Variants in CLEC16A observed in about 807,000 individuals in gnomAD.
CLEC16A encodes protein CLEC16A.
CLEC16A carries 51 observed loss-of-function variants against 109.5 expected under a neutral mutation model. The ratio of observed to expected loss-of-function variants is 0.47; its 90% CI spans 0.37 to 0.59. The LOEUF (loss-of-function observed/expected upper bound fraction) is 0.59. Among genes scored for constraint, CLEC16A ranks in the 20% least tolerant of loss-of-function variants. The pLI is 0.00. For synonymous variants in CLEC16A, 673 were observed against 564.2 expected (o/e 1.19, Z -2.73); for missense variants, 1,339 against 1,394.0 (o/e 0.96, Z 0.63).
rs868202756 is a variant in CLEC16A, at chr16:10,969,914, G to T, written c.492+605G>T. On this transcript the variant is annotated intron_variant, in intron 4 of 23. Transcript: ENST00000409790. ...TAGGGGTTAAATTAAATGAGATGATGTCTTCAAAGTGCCAGTATGTACATA... is the reference window on the plus strand; with the variant it reads ...TAGGGGTTAAATTAAATGAGATGATTTCTTCAAAGTGCCAGTATGTACATA... Among the ~76,000 whole-genome samples, 4 of 152,166 alleles carry T rather than the reference G, an allele frequency of 2.6e-5. No homozygotes were observed. In the East Asian group the frequency reaches 5.8e-4, roughly 22 times the overall value.
intron 23 of CLEC16A, among the ~76,000 whole-genome samples, chr16:11,167,644 TC>T (rs1378820773): frequency 4.6e-5 from 7 of 152,128 alleles, no homozygotes; most frequent in African/African-American, 1.7e-4. Flanking sequence ...CCTGTGTCTC[TC>T]CCATCCACAC....
intron 19 of CLEC16A, among the ~76,000 whole-genome samples, chr16:11,117,976 T>G (rs1380493634): frequency 1.3e-5 from 2 of 150,996 alleles, no homozygotes; most frequent in African/African-American, 4.8e-5. Flanking sequence ...TCTTTTTCTT[T>G]TCTTTTCTTT....
chr16:11,120,599 A>G lies in CLEC16A; in HGVS notation c.2117-16A>G. 6.2e-7 allele frequency: 1 copy of G among 1,600,650 alleles called. No individual in the cohort carries two copies. Among genetic ancestry groups the G allele is most frequent in the East Asian group, 2.2e-5 (1 of 44,542 alleles). ...CCAGACTGTGCCTCATTCTCTTCTCACCTTCCTCCTCCCAGATAACAGCGA... is the reference window on the plus strand; with the variant it reads ...CCAGACTGTGCCTCATTCTCTTCTCGCCTTCCTCCTCCCAGATAACAGCGA... On this transcript the variant is annotated splice_polypyrimidine_tract_variant and intron_variant, in intron 19 of 23. Transcript: ENST00000409790.
chr16:11,167,949 T>A (rs765696681), intron 23 of CLEC16A, among the ~76,000 whole-genome samples: 5 of 152,086 alleles, frequency 3.3e-5, no homozygotes, highest in Non-Finnish European at 7.4e-5. Flanking sequence ...GCATGCAGGG[T>A]TGTGTGTTCA....
At chr16:11,143,569 G>A (rs1488419645) in intron 22 of CLEC16A, among the ~76,000 whole-genome samples, 1 of 152,204 alleles carries the variant, frequency 6.6e-6, no homozygotes, top group African/African-American at 2.4e-5. Flanking sequence ...AAGGGCTTAA[G>A]TGAAGCTACT....
rs964895184 is a variant in CLEC16A at position 11,025,030 on chromosome 16, C to G, written c.1537+109C>G. On this transcript the variant is annotated intron_variant, in intron 13 of 23. Coordinates refer to ENST00000409790, the MANE Select transcript of CLEC16A (RefSeq NM_015226.3). ...GAAAGGTGCTTTCTGTACAGAATTTCCTTTCTGGTTTTGGTGGTCCTTTTT... is the reference window on the plus strand; with the variant it reads ...GAAAGGTGCTTTCTGTACAGAATTTGCTTTCTGGTTTTGGTGGTCCTTTTT... The G allele has an allele frequency of 7.3e-6, 6 of 821,566 alleles. No homozygotes were observed. The African/African-American group carries it at 8.5e-5, about 12-fold the overall frequency. 50.9% of individuals were successfully genotyped at this position (821,566 alleles called of 1,614,324 possible). A position where few individuals can be genotyped will look rare whatever the true frequency, so the allele number is the denominator to read the frequency against.
At chr16:10,994,014 T>G (rs2044183482) in intron 10 of CLEC16A, among the ~76,000 whole-genome samples, 1 of 152,184 alleles carries the variant, frequency 6.6e-6, no homozygotes, top group African/African-American at 2.4e-5. Flanking sequence ...CGTTACCTGC[T>G]CCTCATCTCA....
chr16:11,027,646 C>G (rs2046488846), intron 13 of CLEC16A: 2 of 1,548,252 alleles, frequency 1.3e-6, no homozygotes, highest in Non-Finnish European at 8.8e-7. Flanking sequence ...TTCTTGCGCC[C>G]TTTCCACCTC....
intron 2 of CLEC16A, among the ~76,000 whole-genome samples, chr16:10,959,759 T>C (rs571729082): frequency 4.6e-5 from 7 of 152,056 alleles, no homozygotes; most frequent in African/African-American, 7.2e-5. Flanking sequence ...TGAGAAACTG[T>C]GTCCCCCTTG....
chr16:11,098,015 C>G (rs1290099364), intron 19 of CLEC16A, among the ~76,000 whole-genome samples: 1 of 152,194 alleles, frequency 6.6e-6, no homozygotes, highest in Non-Finnish European at 1.5e-5. Flanking sequence ...GGTAGAATCA[C>G]TTGGAGAGCT....
In CLEC16A at chr16:11,178,364, C is replaced by T. The variant is rs746907038; in HGVS notation, c.2836C>T (p.Pro946Ser). The T allele has an allele frequency of 4.3e-6, 7 of 1,613,398 alleles. 1 individual carries two copies. The Admixed American group carries it at 1.2e-4, about 27-fold the overall frequency. The change falls in exon 24 of 24, where the codon CCT becomes TCT. Residue 946 changes from proline to serine, a missense_variant. Pro to Ser is a moderately conservative substitution (Grantham distance 74). Coordinates refer to ENST00000409790, the MANE Select transcript of CLEC16A (RefSeq NM_015226.3). This position sits in a 1 kb window ranked among gnomAD's most constrained non-coding sequence, Gnocchi z 6.5. ...CCCCATGAGTCCAGAACTGCCTAAGCCTCACCTTCCTGACCAGTTGGTAAT... is the reference window on the plus strand; with the variant it reads ...CCCCATGAGTCCAGAACTGCCTAAGTCTCACCTTCCTGACCAGTTGGTAAT... Reference protein sequence around the residue: ...DAPMSPELPKPHLPDQLVIVN... With the variant: ...DAPMSPELPKSHLPDQLVIVN...
At chr16:10,998,393 C>A (rs2044457024) in intron 10 of CLEC16A, among the ~76,000 whole-genome samples, 1 of 152,224 alleles carries the variant, frequency 6.6e-6, no homozygotes, top group Non-Finnish European at 1.5e-5. Flanking sequence ...CCTCCTGTAG[C>A]CCAGCCTCAG....
At chr16:10,952,199 T>A (rs907933807) in intron 1 of CLEC16A, among the ~76,000 whole-genome samples, 45 of 152,174 alleles carry the variant, frequency 3.0e-4, no homozygotes, top group Non-Finnish European at 1.3e-4. Flanking sequence ...AATCAGAAGG[T>A]TTTATTAAAA....
At chr16:11,117,255 G>A (rs9933506) in intron 19 of CLEC16A, among the ~76,000 whole-genome samples, 1,992 of 152,206 alleles carry the variant, frequency 0.013, 34 homozygotes, top group African/African-American at 0.045. Flanking sequence ...AACTCAAACC[G>A]TATACTTAAA....
At chr16:10,964,683 G>C (rs2042416228) in intron 3 of CLEC16A, among the ~76,000 whole-genome samples, 1 of 152,204 alleles carries the variant, frequency 6.6e-6, no homozygotes, top group Non-Finnish European at 1.5e-5. Flanking sequence ...ATTGAGATGG[G>C]GGTGGGGCGA....
chr16:11,125,316 A>G (rs1446525609), intron 21 of CLEC16A, among the ~76,000 whole-genome samples: 1 of 150,102 alleles, frequency 6.7e-6, no homozygotes, highest in Non-Finnish European at 1.5e-5. Flanking sequence ...TTTTTTCTTC[A>G]TGTAAAGCAA....
rs1229682124 is a variant in CLEC16A, at chr16:11,180,241, C to T, written c.*1551C>T. 1 of 152,422 alleles carries T rather than the reference C, an allele frequency of 6.6e-6. No homozygotes were observed. Among genetic ancestry groups the T allele is most frequent in the Non-Finnish European group, 1.5e-5 (1 of 68,172 alleles). The allele number at this position is 152,422 out of a possible 1,614,324, so 9.4% of individuals were successfully genotyped here. On this transcript the variant is annotated 3_prime_UTR_variant, in exon 24 of 24. Transcript: ENST00000409790. Reference sequence around the variant, plus strand: ...GCCTGCCGAGGGCAGTTTTCAACCTCATGAAGGAAACACAGTCCTGCCAAG... The same window carrying T: ...GCCTGCCGAGGGCAGTTTTCAACCTTATGAAGGAAACACAGTCCTGCCAAG...
Position 10,957,832 on chromosome 16 carries a change from G to A in CLEC16A, c.131G>A (p.Arg44Gln), listed in dbSNP as rs1368510687. The change falls in exon 2 of 24, where the codon CGG (arginine) becomes CAG (glutamine). Residue 44 changes from arginine to glutamine, a missense_variant. By Grantham distance (43) the Arg-to-Gln change is conservative. Transcript: ENST00000409790. ...AACACCACAGTCACAGAACAGAACCGGAACCTGCTAGTGGAGACCATCCGT... is the reference window on the plus strand; with the variant it reads ...AACACCACAGTCACAGAACAGAACCAGAACCTGCTAGTGGAGACCATCCGT... Reference protein sequence around the residue: ...TKNTTVTEQNRNLLVETIRSI... With the variant: ...TKNTTVTEQNQNLLVETIRSI... 3.1e-6 allele frequency: 5 copies of A among 1,613,522 alleles called. No individual in the cohort carries two copies. The highest frequency in any genetic ancestry group is 4.2e-6 in the Non-Finnish European group (5 of 1,179,580).
chr16:10,981,009 A>G (rs912966430), intron 9 of CLEC16A, among the ~76,000 whole-genome samples: 2 of 152,198 alleles, frequency 1.3e-5, no homozygotes, highest in Non-Finnish European at 2.9e-5. Flanking sequence ...TGGTGTAGGC[A>G]GCTGGGCCCA....
Sources: gnomAD v4.1 joint callset for allele counts (sites outside exome capture counted in the v4.1 genomes callset) on GRCh38, gnomAD v4.1.1 for gene constraint, Gnocchi (gnomAD v3.1) non-coding constraint, MANE v1.5 for transcripts, NCBI Gene and HGNC (gene_info 2026-07-23, HGNC 2026-07-21) for gene names.